CDC23: variants seen among roughly 807,000 people sequenced by gnomAD.
CDC23 encodes cell division cycle protein 23 homolog.
A neutral mutation model predicts 81.7 loss-of-function variants in CDC23; 26 were observed. The ratio of observed to expected loss-of-function variants is 0.32; its 90% CI spans 0.23 to 0.44. CDC23 has a LOEUF of 0.44. Ranked by LOEUF, CDC23 falls within the 20% of genes least tolerant of loss-of-function variation. The pLI is 1.00. For synonymous variants in CDC23, 267 were observed against 270.8 expected, an observed-to-expected ratio of 0.99 and a Z score of 0.14; for missense variants, 519 against 728.0, an observed-to-expected ratio of 0.71 and a Z score of 3.30.
chr5:138,210,059 C>CA (rs1466193715), intron 2 of CDC23, among the ~76,000 whole-genome samples: 17 of 151,348 alleles, frequency 1.1e-4, no homozygotes, highest in East Asian at 3.9e-4. Context: ...ACTAAAAATA[C>CA]AAAAAAATTA....
rs554353662 is a variant in CDC23, at chr5:138,213,293, A to T, written c.20T>A (p.Met7Lys). The T allele has an allele frequency of 3.7e-6, 6 of 1,613,818 alleles. No individual in the cohort carries two copies. The African/African-American group carries it at 6.7e-5, about 18-fold the overall frequency. Residue 7 changes from methionine (M) to lysine (K), a missense_variant, in exon 1 of 16, where the codon ATG (methionine) becomes AAG (lysine). Transcript: ENST00000394886. MAASTS[M>K]VPVAVTAAVA... ...TGCCGCCGTCACAGCCACCGGGACC[A>T]TGGAGGTACTCGCAGCCATTTTCCC... is the stretch of plus-strand genomic sequence containing the variant.
chr5:138,210,954 T>C (rs754554419), intron 2 of CDC23, among the ~76,000 whole-genome samples: 1 of 152,108 alleles, frequency 6.6e-6, no homozygotes, highest in Admixed American at 6.6e-5. Flanking sequence ...ACTAACAGAG[T>C]TCACAGATTT....
At chr5:138,208,056 G>T (rs1755072756) in intron 2 of CDC23, among the ~76,000 whole-genome samples, 1 of 151,812 alleles carries the variant, frequency 6.6e-6, no homozygotes, top group Non-Finnish European at 1.5e-5. Context: ...CCACCTTCTA[G>T]GTTCAAGCAA....
intron 10 of CDC23, 49 bp from the exon 11 acceptor site, chr5:138,192,437 C>CAACTTGCAGGCT: frequency 6.2e-7 from 1 of 1,613,836 alleles, no homozygotes; most frequent in Non-Finnish European, 8.5e-7. Flanking sequence ...TCAAGGTTGG[C>CAACTTGCAGGCT]AACTTGCAGG....
rs762414565 is a variant in CDC23, at chr5:138,198,162, T to C, written c.1012+37A>G. 7.0e-6 allele frequency: 10 copies of C among 1,433,974 alleles called. No individual in the cohort carries two copies. The African/African-American group carries it at 1.1e-4, about 16-fold the overall frequency. The allele number at this position is 1,433,974 out of a possible 1,614,324, so 88.8% of individuals were successfully genotyped here. On this transcript the variant is annotated intron_variant, in intron 9 of 15. Transcript: ENST00000394886. ...TTTCACATGTGTTACTTATAATAAA[T>C]ATAAATCTTAAAAGAAAAAATGTAG...
intron 13 of CDC23, 133 bp downstream of exon 13, chr5:138,191,341 G>T: frequency 1.2e-6 from 1 of 815,122 alleles, no homozygotes; most frequent in Non-Finnish European, 2.2e-6. Context: ...TCACAAACCA[G>T]CATTCACACA....
chr5:138,197,260 C>T (rs56076537), intron 9 of CDC23, among the ~76,000 whole-genome samples: 1 of 140,908 alleles, frequency 7.1e-6, no homozygotes, highest in Non-Finnish European at 1.5e-5. Flanking sequence ...GAGCCAATGG[C>T]GCCACTGCAC....
At chr5:138,191,420 C>G (rs1754825477) in intron 13 of CDC23, 54 bp downstream of exon 13, 1 of 1,476,312 alleles carries the variant, frequency 6.8e-7, no homozygotes, top group Admixed American at 1.7e-5. Flanking sequence ...GCAGGACCCA[C>G]CATCCCAGAG....
At chr5:138,204,236 G>A (rs1298684429) in intron 3 of CDC23, among the ~76,000 whole-genome samples, 2 of 152,132 alleles carry the variant, frequency 1.3e-5, no homozygotes, top group African/African-American at 4.8e-5. Context: ...CAGGCACAGT[G>A]GCTCACGCCT....
chr5:138,189,124 G>T lies in CDC23; in HGVS notation c.1648C>A (p.Leu550Ile). Reference sequence around the variant, plus strand: ...TTCCGAAGCTGTAGGATTTGCCGGAGTAAGGCCTTACCTTCTTCCCGGGTC... The same window carrying T: ...TTCCGAAGCTGTAGGATTTGCCGGATTAAGGCCTTACCTTCTTCCCGGGTC... The part of the protein sequence containing the change: ...NDTREEGKAL[L>I]RQILQLRNQG... Residue 550 changes from leucine to isoleucine, a missense_variant, in exon 16 of 16, where the codon CTC becomes ATC. This residue lies in a region of CDC23 where 175 missense variants were observed against 337.8 expected (regional missense o/e 0.52). Coordinates refer to ENST00000394886, the MANE Select transcript of CDC23 (RefSeq NM_004661.4). The T allele has an allele frequency of 6.2e-7, 1 of 1,614,056 alleles. No individual in the cohort carries two copies. Among genetic ancestry groups the T allele is most frequent in the Non-Finnish European group, 8.5e-7 (1 of 1,179,940 alleles).
intron 2 of CDC23, among the ~76,000 whole-genome samples, chr5:138,210,165 G>C (rs1356331380): frequency 6.6e-6 from 1 of 150,736 alleles, no homozygotes; most frequent in Non-Finnish European, 1.5e-5. Context: ...GCGGTGAGCC[G>C]AGATTGAGCC....
chr5:138,203,343 G>C (rs1755010195), intron 3 of CDC23, among the ~76,000 whole-genome samples: 1 of 152,130 alleles, frequency 6.6e-6, no homozygotes, highest in Admixed American at 6.5e-5. Flanking sequence ...CAGAACCTCT[G>C]TGAGAGGGGA....
intron 11 of CDC23, 24 bp downstream of exon 11, chr5:138,192,245 G>A (rs766518329): frequency 2.9e-5 from 47 of 1,613,418 alleles, no homozygotes; most frequent in Admixed American, 5.0e-5. Context: ...CATATCAGAC[G>A]CATTGTCAAG....
At chr5:138,200,670 A>C (rs750689251) in intron 6 of CDC23, among the ~76,000 whole-genome samples, 2 of 152,034 alleles carry the variant, frequency 1.3e-5, no homozygotes, top group Non-Finnish European at 2.9e-5. Context: ...AAATACAAAA[A>C]TTAGCTGGGG....
At chr5:138,191,763 C>T (rs543833153) in intron 12 of CDC23, 99 bp downstream of exon 12, 10 of 1,052,458 alleles carry the variant, frequency 9.5e-6, no homozygotes, top group Admixed American at 3.6e-5. Flanking sequence ...TTCCTATGCA[C>T]CTAGATCAGA....
intron 15 of CDC23, 103 bp from the exon 16 acceptor site, chr5:138,189,251 G>A: frequency 9.0e-7 from 1 of 1,116,452 alleles, no homozygotes; most frequent in South Asian, 1.5e-5. Flanking sequence ...AAGGAGGCGG[G>A]AGGCTTGCTT....
intron 3 of CDC23, among the ~76,000 whole-genome samples, chr5:138,203,406 T>G (rs1375112964): frequency 6.6e-6 from 1 of 151,874 alleles, no homozygotes; most frequent in Non-Finnish European, 1.5e-5. Flanking sequence ...GCTGTGAATC[T>G]AAAACTGCTC....
chr5:138,209,710 G>C (rs1339442283), intron 2 of CDC23, among the ~76,000 whole-genome samples: 1 of 151,022 alleles, frequency 6.6e-6, no homozygotes, highest in African/African-American at 2.4e-5. Flanking sequence ...GGTAATCCCG[G>C]CTATTCGGGA....
At chr5:138,193,639 A>C (rs1754850353) in intron 9 of CDC23, among the ~76,000 whole-genome samples, 1 of 151,692 alleles carries the variant, frequency 6.6e-6, no homozygotes, top group South Asian at 2.1e-4. Flanking sequence ...CTCAAAAAAA[A>C]AAAACAGGTA....
Sources: allele counts gnomAD v4.1 joint callset (sites outside exome capture counted in the v4.1 genomes callset), GRCh38; gene constraint gnomAD v4.1.1; regional missense constraint gnomAD v4.1.1; transcripts MANE v1.5; gene names NCBI Gene and HGNC (gene_info 2026-07-23, HGNC 2026-07-21).